The following SGCZ variants were observed in gnomAD, a reference collection of about 807,000 sequenced individuals.
The protein encoded by SGCZ is sarcoglycan zeta, also known as zeta-sarcoglycan.
In SGCZ, 40 loss-of-function variants were observed where a neutral mutation model predicts 41.3. That is an observed-to-expected ratio of 0.97 (90% CI 0.75 to 1.26). SGCZ has a LOEUF of 1.26. Among genes scored for constraint, SGCZ ranks in the 50% most tolerant of loss-of-function variants. The probability of loss-of-function intolerance (pLI) is 0.00; values close to 1 mark genes in which losing one functional copy is unlikely to be tolerated. For missense variants in SGCZ, 552 were observed against 369.8 expected (o/e 1.49, Z -4.04); for synonymous variants, 206 against 137.5 (o/e 1.50, Z -3.49).
chr8:15,164,271 C>T (rs1025496849), intron 1 of SGCZ, among the ~76,000 whole-genome samples: 3 of 152,152 alleles, frequency 2.0e-5, no homozygotes, highest in Non-Finnish European at 2.9e-5. Flanking sequence ...TGCTTCTACG[C>T]CTTTTCAACC....
At chr8:14,363,438 G>C (rs1231142647) in intron 2 of SGCZ, among the ~76,000 whole-genome samples, 1 of 152,118 alleles carries the variant, frequency 6.6e-6, no homozygotes, top group African/African-American at 2.4e-5. Context: ...GCAGCACTTT[G>C]GCATTTTGTT....
At chr8:14,183,662 G>A (rs1018118566) in intron 4 of SGCZ, among the ~76,000 whole-genome samples, 7 of 152,220 alleles carry the variant, frequency 4.6e-5, no homozygotes, top group African/African-American at 1.7e-4. Context: ...CATGAGAAAA[G>A]CGTTTACCAA....
At chr8:15,139,404 T>A (rs906245848) in intron 1 of SGCZ, among the ~76,000 whole-genome samples, 1 of 152,182 alleles carries the variant, frequency 6.6e-6, no homozygotes, top group African/African-American at 2.4e-5. Context: ...ATAAACATAG[T>A]AAAGTGTCCT....
intron 3 of SGCZ, among the ~76,000 whole-genome samples, chr8:14,276,231 T>C (rs1053462419): frequency 6.6e-6 from 1 of 152,172 alleles, no homozygotes; most frequent in Admixed American, 6.5e-5. Flanking sequence ...CAGTTTCACA[T>C]CTTACTTTGG....
chr8:14,182,268 C>G (rs1013952976), intron 4 of SGCZ, among the ~76,000 whole-genome samples: 1 of 152,168 alleles, frequency 6.6e-6, no homozygotes, highest in African/African-American at 2.4e-5. Context: ...ACCCTGAAGG[C>G]TGTGCAGTGA....
At chr8:14,350,299 G>T (rs1003827988) in intron 2 of SGCZ, among the ~76,000 whole-genome samples, 1 of 151,582 alleles carries the variant, frequency 6.6e-6, no homozygotes, top group African/African-American at 2.4e-5. Flanking sequence ...CTGGGGATAT[G>T]CATCTGTTTG....
At chr8:14,253,623 G>A (rs1045568177) in intron 3 of SGCZ, among the ~76,000 whole-genome samples, 1 of 151,924 alleles carries the variant, frequency 6.6e-6, no homozygotes, top group African/African-American at 2.4e-5. Context: ...TATATAAAAA[G>A]GTATCTAATG....
chr8:14,244,835 A>G (rs1278290722), intron 3 of SGCZ, among the ~76,000 whole-genome samples: 1 of 151,984 alleles, frequency 6.6e-6, no homozygotes, highest in African/African-American at 2.4e-5. Flanking sequence ...ATTCCTAGGT[A>G]TTTTATTCTC....
intron 1 of SGCZ, among the ~76,000 whole-genome samples, chr8:15,029,013 C>A (rs1162577656): frequency 2.0e-5 from 3 of 151,980 alleles, no homozygotes; most frequent in Admixed American, 6.6e-5. Context: ...CACCCTCCTG[C>A]AGAAATAACT....
chr8:14,731,241 T>C (rs1425901798), intron 1 of SGCZ, among the ~76,000 whole-genome samples: 1 of 150,978 alleles, frequency 6.6e-6, no homozygotes, highest in Non-Finnish European at 1.5e-5. Context: ...TGCAGGGACA[T>C]GGATGAAGCT....
Position 14,839,447 on chromosome 8 carries a change from T to C in SGCZ, c.40-284521A>G, listed in dbSNP as rs537158689. On this transcript the variant is annotated intron_variant, in intron 1 of 7. Coordinates refer to ENST00000382080, the MANE Select transcript of SGCZ (RefSeq NM_139167.4). ...GATGTCAAGTATGCAGTTGGATTTA[T>C]GTCTGGAGTTCAGGAGAAAAGTTAA... Among the ~76,000 whole-genome samples the C allele has an allele frequency of 3.3e-5, 5 of 152,306 alleles. No homozygotes were observed. The East Asian group carries it at 5.8e-4, about 18-fold the overall frequency.
At chr8:14,997,532 G>A (rs190019836) in intron 1 of SGCZ, among the ~76,000 whole-genome samples, 12 of 152,212 alleles carry the variant, frequency 7.9e-5, no homozygotes, top group African/African-American at 2.2e-4. Flanking sequence ...TCATATAATC[G>A]AGCTGCAATG....
intron 2 of SGCZ, among the ~76,000 whole-genome samples, chr8:14,534,303 G>C (rs1356026130): frequency 6.6e-6 from 1 of 151,826 alleles, no homozygotes; most frequent in East Asian, 1.9e-4. Flanking sequence ...CAGTGAAAAT[G>C]GTGGGGAGAT....
intron 2 of SGCZ, among the ~76,000 whole-genome samples, chr8:14,441,820 T>A (rs963841816): frequency 6.6e-6 from 1 of 152,126 alleles, no homozygotes; most frequent in African/African-American, 2.4e-5. Context: ...TTTCTATAGC[T>A]TTTTTTAACC....
chr8:15,094,387 G>A (rs1806259408), intron 1 of SGCZ, among the ~76,000 whole-genome samples: 1 of 152,070 alleles, frequency 6.6e-6, no homozygotes, highest in Non-Finnish European at 1.5e-5. Flanking sequence ...CACCTGCCTT[G>A]GCCTCCCAAA....
chr8:14,828,855 A>G (rs568534963), intron 1 of SGCZ, among the ~76,000 whole-genome samples: 2 of 152,210 alleles, frequency 1.3e-5, no homozygotes, highest in South Asian at 4.1e-4. Context: ...CAATGCTTCC[A>G]CTCATTTCTT....
At chr8:15,106,615 G>A (rs1806835013) in intron 1 of SGCZ, among the ~76,000 whole-genome samples, 1 of 151,810 alleles carries the variant, frequency 6.6e-6, no homozygotes, top group Non-Finnish European at 1.5e-5. Flanking sequence ...TCACTTTATT[G>A]AAATGTCTTA....
intron 2 of SGCZ, among the ~76,000 whole-genome samples, chr8:14,410,128 G>T (rs529170105): frequency 1.3e-5 from 2 of 152,066 alleles, no homozygotes; most frequent in African/African-American, 2.4e-5. Flanking sequence ...TGTGAACTGC[G>T]CATGCTAGGG....
At chr8:14,795,578 C>T (rs1801095819) in intron 1 of SGCZ, among the ~76,000 whole-genome samples, 1 of 152,088 alleles carries the variant, frequency 6.6e-6, no homozygotes, top group African/African-American at 2.4e-5. Flanking sequence ...ATGTAACTAG[C>T]ACATGCCATC....
Sources: gnomAD v4.1 joint callset for allele counts (sites outside exome capture counted in the v4.1 genomes callset) on GRCh38, gnomAD v4.1.1 for gene constraint, MANE v1.5 for transcripts, NCBI Gene and HGNC (gene_info 2026-07-23, HGNC 2026-07-21) for gene names.